Variants in EEIG2 observed in about 807,000 individuals in gnomAD.
EEIG2 encodes EEIG family member 2.
chr1:108,584,620 C>G, the EEIG2 span, among the ~76,000 whole-genome samples: 2 of 152,266 alleles, frequency 1.3e-5, no homozygotes, highest in African/African-American at 4.8e-5. Flanking sequence ...AGATTACAAC[C>G]ACCTTTCAAT....
the EEIG2 span, among the ~76,000 whole-genome samples, chr1:108,571,346 G>A: frequency 6.6e-5 from 10 of 152,262 alleles, no homozygotes; most frequent in East Asian, 1.4e-3. Flanking sequence ...TAGTGTCCTC[G>A]TGAGATAGCC....
At chr1:108,589,767 G>A in the EEIG2 span, among the ~76,000 whole-genome samples, 2 of 145,376 alleles carry the variant, frequency 1.4e-5, no homozygotes, top group Non-Finnish European at 3.0e-5. Flanking sequence ...CTATTTACAT[G>A]CTGAGGTCTT....
chr1:108,588,627 G>GT, the EEIG2 span, among the ~76,000 whole-genome samples: 2 of 151,430 alleles, frequency 1.3e-5, no homozygotes, highest in South Asian at 2.1e-4. Context: ...GATACTTGAT[G>GT]TTTTTTGTGG....
the EEIG2 span, among the ~76,000 whole-genome samples, chr1:108,574,579 C>T: frequency 2.6e-5 from 4 of 152,114 alleles, no homozygotes; most frequent in Non-Finnish European, 4.4e-5. Context: ...GGTGAAACCC[C>T]GTGTTTACTA....
chr1:108,609,439 A>G, the EEIG2 span, among the ~76,000 whole-genome samples: 150,420 of 152,292 alleles, frequency 0.99, 74,320 homozygotes, highest in East Asian at 1. Flanking sequence ...GGTAACTACA[A>G]GGTAAGGCAG....
the EEIG2 span, among the ~76,000 whole-genome samples, chr1:108,569,345 A>T: frequency 3.3e-5 from 5 of 152,344 alleles, no homozygotes; most frequent in Admixed American, 6.5e-5. Context: ...TTTTAGAGGC[A>T]GTTACTCTGT....
the EEIG2 span, among the ~76,000 whole-genome samples, chr1:108,623,305 T>C: frequency 6.6e-6 from 1 of 151,940 alleles, no homozygotes; most frequent in African/African-American, 2.4e-5. Context: ...GAGACCCCCA[T>C]CTCTGCAAAA....
At chr1:108,603,770 GT>G in the EEIG2 span, among the ~76,000 whole-genome samples, 1 of 152,136 alleles carries the variant, frequency 6.6e-6, no homozygotes, top group Non-Finnish European at 1.5e-5. Context: ...AACTAAAATT[GT>G]TTTTTAAAAA....
the EEIG2 span, among the ~76,000 whole-genome samples, chr1:108,601,441 G>A: frequency 2.6e-5 from 4 of 151,638 alleles, no homozygotes; most frequent in African/African-American, 9.7e-5. Flanking sequence ...GAATACCATT[G>A]CCATGGTATT....
At chr1:108,570,834 GA>G in the EEIG2 span, among the ~76,000 whole-genome samples, 7 of 152,138 alleles carry the variant, frequency 4.6e-5, no homozygotes, top group African/African-American at 1.7e-4. Context: ...GATAAATAAG[GA>G]AAATATGGAA....
chr1:108,584,695 T>G, the EEIG2 span, among the ~76,000 whole-genome samples: 2 of 152,184 alleles, frequency 1.3e-5, no homozygotes, highest in African/African-American at 4.8e-5. Context: ...TATCTGCTAT[T>G]TTTACCTTTT....
the EEIG2 span, among the ~76,000 whole-genome samples, chr1:108,604,915 G>A: frequency 1.3e-4 from 19 of 150,948 alleles, no homozygotes; most frequent in Middle Eastern, 6.8e-3. Context: ...GTGGTGGCAC[G>A]CACCTGTAGT....
the EEIG2 span, chr1:108,627,909 C>G: frequency 2.2e-6 from 1 of 445,336 alleles, no homozygotes; most frequent in African/African-American, 2.0e-5. Context: ...ATTGCATAGA[C>G]TGAACTAATA....
At chr1:108,560,281 G>T in the EEIG2 span, 1 of 403,796 alleles carries the variant, frequency 2.5e-6, no homozygotes, top group Non-Finnish European at 3.3e-6. Context: ...CAGCGGCCCC[G>T]GCCGCGGCCG....
the EEIG2 span, among the ~76,000 whole-genome samples, chr1:108,593,947 A>C: frequency 6.6e-6 from 1 of 152,040 alleles, no homozygotes; most frequent in Non-Finnish European, 1.5e-5. Flanking sequence ...CTGGGACCAC[A>C]GGCGTACACC....
chr1:108,561,500 T>G, the EEIG2 span, among the ~76,000 whole-genome samples: 1 of 152,282 alleles, frequency 6.6e-6, no homozygotes, highest in Admixed American at 6.5e-5. Context: ...CTAAAAATAT[T>G]CTACTTAAAA....
chr1:108,583,598 T>G, the EEIG2 span, among the ~76,000 whole-genome samples: 145 of 152,246 alleles, frequency 9.5e-4, 2 homozygotes, highest in East Asian at 0.024. Context: ...ATTACTGTTG[T>G]TTCCTACGTA....
chr1:108,561,379 TAGAG>T, the EEIG2 span, among the ~76,000 whole-genome samples: 98 of 152,162 alleles, frequency 6.4e-4, no homozygotes, highest in Non-Finnish European at 1.0e-3. Context: ...AATATATACA[TAGAG>T]AGAGAAAACA....
the EEIG2 span, among the ~76,000 whole-genome samples, chr1:108,623,002 A>G: frequency 6.6e-6 from 1 of 152,190 alleles, no homozygotes; most frequent in Non-Finnish European, 1.5e-5. Context: ...CAGGAGGTCA[A>G]GGTGGAAGGA....
Sources: gnomAD v4.1 joint callset for allele counts (sites outside exome capture counted in the v4.1 genomes callset) on GRCh38, gnomAD v4.1.1 for gene constraint, MANE v1.5 for transcripts, NCBI Gene and HGNC (gene_info 2026-07-23, HGNC 2026-07-21) for gene names.